The following ADAMTS17 variants were observed in gnomAD, a reference collection of about 807,000 sequenced individuals.
The protein encoded by ADAMTS17 is A disintegrin and metalloproteinase with thrombospondin motifs 17.
A neutral mutation model predicts 141.5 loss-of-function variants in ADAMTS17; 113 were observed. That is an observed-to-expected ratio of 0.80 (90% CI 0.69 to 0.93). ADAMTS17 has a LOEUF of 0.93. Among genes scored for constraint, ADAMTS17 ranks in the 40% least tolerant of loss-of-function variants. The pLI, the probability that ADAMTS17 is intolerant of heterozygous loss-of-function variation, is 0.00. For synonymous variants in ADAMTS17, 768 were observed against 630.6 expected (o/e 1.22, Z -3.27); for missense variants, 1,659 against 1,517.9 (o/e 1.09, Z -1.54).
At chr15:100,211,229 G>A (rs1356186725) in intron 7 of ADAMTS17, among the ~76,000 whole-genome samples, 1 of 150,720 alleles carries the variant, frequency 6.6e-6, no homozygotes, top group Non-Finnish European at 1.5e-5. Context: ...CTGGGAGGTG[G>A]AGGTTGCAGT....
At chr15:100,034,771 T>C (rs1402666231) in intron 18 of ADAMTS17, among the ~76,000 whole-genome samples, 2 of 152,214 alleles carry the variant, frequency 1.3e-5, no homozygotes, top group Non-Finnish European at 2.9e-5. Context: ...GCCCGACACC[T>C]ACTTGTTCTC....
intron 12 of ADAMTS17, among the ~76,000 whole-genome samples, chr15:100,120,298 C>A (rs972685528): frequency 1.3e-5 from 2 of 152,186 alleles, no homozygotes; most frequent in Non-Finnish European, 2.9e-5. Flanking sequence ...TCAATTTCAG[C>A]CTTTAGTGTG....
At chr15:100,139,218 A>T (rs956743008) in intron 10 of ADAMTS17, among the ~76,000 whole-genome samples, 11 of 152,252 alleles carry the variant, frequency 7.2e-5, no homozygotes, top group African/African-American at 2.7e-4. Flanking sequence ...GAAAATATCC[A>T]AAATGTAGAG....
intron 7 of ADAMTS17, among the ~76,000 whole-genome samples, chr15:100,203,703 T>TCAAAC (rs1481921788): frequency 3.3e-5 from 5 of 151,908 alleles, no homozygotes; most frequent in Non-Finnish European, 5.9e-5. Flanking sequence ...AGACTCTTTC[T>TCAAAC]CAAACAAAAC....
At chr15:100,326,023 T>C (rs1232303156) in intron 3 of ADAMTS17, among the ~76,000 whole-genome samples, 3 of 152,190 alleles carry the variant, frequency 2.0e-5, no homozygotes, top group African/African-American at 7.2e-5. Context: ...CCTGGGTCTG[T>C]GCAGCTTTGG....
chr15:100,134,097 C>A (rs2038200205), intron 10 of ADAMTS17, among the ~76,000 whole-genome samples: 1 of 152,238 alleles, frequency 6.6e-6, no homozygotes, highest in Non-Finnish European at 1.5e-5. Context: ...AGTGTCCTCT[C>A]TGAAGGAACC....
In ADAMTS17 at chr15:100,004,670, G is replaced by C. The variant is rs1000445973; in HGVS notation, c.2592-7081C>G. Among the ~76,000 whole-genome samples the C allele has an allele frequency of 4.0e-5, 6 of 149,212 alleles. No homozygotes were observed. The East Asian group carries it at 5.9e-4, about 15-fold the overall frequency. On this transcript the variant is annotated intron_variant, in intron 18 of 21. Coordinates refer to ENST00000268070, the MANE Select transcript of ADAMTS17 (RefSeq NM_139057.4). ...GAGTCTCACTCTGTTGCCCAGGCTGGAGTGCAATGGCGCAATCTCGGCGCA... is the reference window on the plus strand; with the variant it reads ...GAGTCTCACTCTGTTGCCCAGGCTGCAGTGCAATGGCGCAATCTCGGCGCA...
intron 18 of ADAMTS17, among the ~76,000 whole-genome samples, chr15:100,009,042 A>G (rs2061101981): frequency 6.6e-6 from 1 of 151,998 alleles, no homozygotes; most frequent in East Asian, 1.9e-4. Context: ...GTCTCACTAT[A>G]TTGCCTAGCC....
intron 8 of ADAMTS17, 107 bp downstream of exon 8, chr15:100,199,211 G>T: frequency 9.2e-7 from 1 of 1,084,328 alleles, no homozygotes; most frequent in Non-Finnish European, 1.4e-6. Context: ...TGCAGATGCA[G>T]CAAAGGCATA....
chr15:100,154,245 C>T (rs1465165922), intron 9 of ADAMTS17, among the ~76,000 whole-genome samples: 1 of 152,166 alleles, frequency 6.6e-6, no homozygotes, highest in African/African-American at 2.4e-5. Context: ...AGTGAAATAA[C>T]ATCAAGGGGC....
intron 9 of ADAMTS17, among the ~76,000 whole-genome samples, chr15:100,154,950 T>A (rs963139287): frequency 6.6e-6 from 1 of 152,196 alleles, no homozygotes; most frequent in Non-Finnish European, 1.5e-5. Context: ...TTTGAGTCGA[T>A]CGGCAATTAC....
chr15:100,040,869 A>C (rs2031188325), intron 18 of ADAMTS17, among the ~76,000 whole-genome samples: 1 of 152,240 alleles, frequency 6.6e-6, no homozygotes, highest in South Asian at 2.1e-4. Context: ...ACATACCATC[A>C]ACAAGGCATG....
At chr15:100,324,294 G>A (rs2045830591) in intron 3 of ADAMTS17, among the ~76,000 whole-genome samples, 3 of 152,054 alleles carry the variant, frequency 2.0e-5, no homozygotes, top group Non-Finnish European at 4.4e-5. Flanking sequence ...GACAGAGTGA[G>A]ACTCCGTCTC....
chr15:100,278,397 A>C (rs1259139221), intron 4 of ADAMTS17, among the ~76,000 whole-genome samples: 2 of 151,734 alleles, frequency 1.3e-5, no homozygotes, highest in Non-Finnish European at 2.9e-5. Flanking sequence ...GAACTTCCAG[A>C]GTTGATGACT....
intron 2 of ADAMTS17, chr15:100,339,094 G>A (rs1448636262): frequency 1.5e-5 from 15 of 985,348 alleles, no homozygotes; most frequent in Non-Finnish European, 1.8e-5. Context: ...TTTAAAAGCT[G>A]AAGTCTTAGA....
intron 15 of ADAMTS17, among the ~76,000 whole-genome samples, chr15:100,078,028 A>T (rs12438527): frequency 0.031 from 4,775 of 152,306 alleles, 112 homozygotes; most frequent in South Asian, 0.075. Flanking sequence ...ACACTTAGGA[A>T]TACATTAAAA....
In ADAMTS17 at chr15:100,071,534, C is replaced by G. The variant is rs558759209; in HGVS notation, c.2138-17480G>C. Among the ~76,000 whole-genome samples, 160 of 150,148 alleles carry G rather than the reference C, an allele frequency of 1.1e-3. 9 individuals carry two copies. Among genetic ancestry groups the G allele is most frequent in the African/African-American group, 3.8e-3 (155 of 40,674 alleles). The stretch of plus-strand genomic sequence containing the variant: ...CCGAATGCAGCAGCACATCAAGAAG[C>G]TTACCCATCAAAAAGCTTATCCACC... On this transcript the variant is annotated intron_variant, in intron 15 of 21. Coordinates refer to ENST00000268070, the MANE Select transcript of ADAMTS17 (RefSeq NM_139057.4).
intron 16 of ADAMTS17, among the ~76,000 whole-genome samples, chr15:100,052,902 C>G (rs1202970009): frequency 6.6e-6 from 1 of 152,238 alleles, no homozygotes; most frequent in Non-Finnish European, 1.5e-5. Flanking sequence ...GGGGTTAACA[C>G]CACTACGGGG....
chr15:100,297,981 G>A (rs567934942), intron 3 of ADAMTS17, among the ~76,000 whole-genome samples: 1 of 152,220 alleles, frequency 6.6e-6, no homozygotes, highest in African/African-American at 2.4e-5. Flanking sequence ...ACACAGCAGA[G>A]TGCCCAGGAA....
Sources: allele counts gnomAD v4.1 joint callset (sites outside exome capture counted in the v4.1 genomes callset), GRCh38; gene constraint gnomAD v4.1.1; transcripts MANE v1.5; gene names NCBI Gene and HGNC (gene_info 2026-07-23, HGNC 2026-07-21).